PPP2R3A: variants seen among roughly 807,000 people sequenced by gnomAD.
PPP2R3A encodes protein phosphatase 2 regulatory subunit B''alpha.
Under a neutral mutation model 106.9 loss-of-function variants are expected in PPP2R3A, and 80 were observed. The ratio of observed to expected loss-of-function variants is 0.75; its 90% CI spans 0.62 to 0.90. PPP2R3A has a LOEUF of 0.90. PPP2R3A is among the 40% of genes least tolerant of loss of function. The pLI is 0.00. For synonymous variants in PPP2R3A, 483 were observed against 468.3 expected (o/e 1.03, Z -0.41); for missense variants, 1,386 against 1,350.4 (o/e 1.03, Z -0.41).
intron 1 of PPP2R3A, among the ~76,000 whole-genome samples, chr3:135,972,134 C>G (rs151162757): frequency 9.9e-5 from 15 of 152,184 alleles, no homozygotes; most frequent in Non-Finnish European, 2.2e-4. Flanking sequence ...CGCCATTCCC[C>G]TTTACCCCTA....
rs1437123912 is a variant in PPP2R3A at position 136,145,226 on chromosome 3, G to C, written c.*60G>C. 6.5e-7 allele frequency: 1 copy of C among 1,549,072 alleles called. No individual in the cohort carries two copies. The highest frequency in any genetic ancestry group is 8.7e-7 in the Non-Finnish European group (1 of 1,149,252). ...TTTAAATGTTTCTTTCTTGTGAAGA[G>C]ATGTTCTCGTTTGCATACTGCTTTT... On this transcript the variant is annotated 3_prime_UTR_variant, in exon 14 of 14. Transcript: ENST00000264977.
chr3:136,055,291 T>A, intron 5 of PPP2R3A: 1 of 881,378 alleles, frequency 1.1e-6, no homozygotes, highest in Non-Finnish European at 1.9e-6. Context: ...CTGAGTCTGT[T>A]GTGTTGGTGA....
At chr3:136,046,341 C>T (rs2107856543) in intron 4 of PPP2R3A, among the ~76,000 whole-genome samples, 1 of 152,138 alleles carries the variant, frequency 6.6e-6, no homozygotes, top group Middle Eastern at 3.4e-3. Flanking sequence ...ATAATCCCAG[C>T]TACTCCGGAG....
intron 5 of PPP2R3A, among the ~76,000 whole-genome samples, chr3:136,050,944 T>C (rs529697199): frequency 2.0e-5 from 3 of 152,316 alleles, no homozygotes; most frequent in African/African-American, 7.2e-5. Flanking sequence ...CACAGTCATT[T>C]GGCCTAGTTG....
At chr3:135,976,822 T>C (rs1450377669) in intron 1 of PPP2R3A, among the ~76,000 whole-genome samples, 2 of 152,188 alleles carry the variant, frequency 1.3e-5, no homozygotes, top group African/African-American at 4.8e-5. Context: ...AAAATTTAGA[T>C]ATTTAAGTTC....
chr3:136,027,898 A>C (rs1934725804), intron 3 of PPP2R3A, among the ~76,000 whole-genome samples: 1 of 152,178 alleles, frequency 6.6e-6, no homozygotes, highest in Non-Finnish European at 1.5e-5. Context: ...AAGTGAGAAT[A>C]CCTAAGAGCC....
chr3:136,016,454 C>T (rs1444071580), intron 2 of PPP2R3A, among the ~76,000 whole-genome samples: 3 of 152,100 alleles, frequency 2.0e-5, no homozygotes, highest in Non-Finnish European at 4.4e-5. Context: ...CTATCTGTCT[C>T]CTTTCTTAGG....
chr3:136,130,968 A>C (rs1938389393), intron 13 of PPP2R3A, among the ~76,000 whole-genome samples: 1 of 152,254 alleles, frequency 6.6e-6, no homozygotes, highest in African/African-American at 2.4e-5. Context: ...CAGAAAGCTG[A>C]AACTGGATCC....
intron 1 of PPP2R3A, among the ~76,000 whole-genome samples, chr3:135,998,870 A>C (rs1426839361): frequency 6.6e-6 from 1 of 152,268 alleles, no homozygotes; most frequent in Non-Finnish European, 1.5e-5. Flanking sequence ...TGTAAAAAAT[A>C]CATACATTTA....
At chr3:136,034,958 T>G (rs951555202) in intron 3 of PPP2R3A, among the ~76,000 whole-genome samples, 3 of 152,228 alleles carry the variant, frequency 2.0e-5, no homozygotes, top group Non-Finnish European at 4.4e-5. Flanking sequence ...GGAAAAGGCC[T>G]TTTATCATTA....
intron 5 of PPP2R3A, among the ~76,000 whole-genome samples, chr3:136,063,985 C>T (rs1277775292): frequency 2.0e-5 from 3 of 151,058 alleles, no homozygotes; most frequent in African/African-American, 7.4e-5. Context: ...TATTGCGGCA[C>T]TATTCACAAT....
intron 4 of PPP2R3A, among the ~76,000 whole-genome samples, chr3:136,042,909 A>G (rs1935334980): frequency 6.6e-6 from 1 of 152,146 alleles, no homozygotes; most frequent in Admixed American, 6.5e-5. Flanking sequence ...GAGACTAAGC[A>G]GCTAAACATG....
chr3:136,021,227 A>G (rs1351289882), intron 2 of PPP2R3A, among the ~76,000 whole-genome samples: 1 of 152,070 alleles, frequency 6.6e-6, no homozygotes, highest in Non-Finnish European at 1.5e-5. Flanking sequence ...GAGTGTAAGG[A>G]AAAAATATGG....
intron 7 of PPP2R3A, chr3:136,079,264 C>G (rs1198127677): frequency 4.7e-6 from 2 of 424,832 alleles, no homozygotes; most frequent in Admixed American, 5.1e-5. Context: ...ACACCTGATG[C>G]CTGCCTGGGC....
intron 2 of PPP2R3A, among the ~76,000 whole-genome samples, chr3:136,014,527 G>A (rs975870455): frequency 1.1e-4 from 17 of 151,976 alleles, no homozygotes; most frequent in African/African-American, 3.9e-4. Flanking sequence ...CCTTGCAGAG[G>A]TCTTTCACCT....
intron 2 of PPP2R3A, among the ~76,000 whole-genome samples, chr3:136,005,834 T>C (rs1303321322): frequency 6.6e-6 from 1 of 152,228 alleles, no homozygotes; most frequent in Admixed American, 6.5e-5. Context: ...TGTCTGCCCA[T>C]TGAAGAAACA....
chr3:135,997,487 C>G (rs899732694), intron 1 of PPP2R3A, among the ~76,000 whole-genome samples: 4 of 152,214 alleles, frequency 2.6e-5, no homozygotes, highest in African/African-American at 4.8e-5. Flanking sequence ...GCTCCCCTCA[C>G]TTTATGCACT....
chr3:136,010,417 ATTTTTTTT>A (rs56962010), intron 2 of PPP2R3A, among the ~76,000 whole-genome samples: 2 of 51,004 alleles, frequency 3.9e-5, no homozygotes, highest in South Asian at 7.0e-4. Context: ...CGCTCGGCTA[ATTTTTTTT>A]TTTTTTTTTT....
At chr3:136,074,849 T>C (rs1023091092) in intron 6 of PPP2R3A, among the ~76,000 whole-genome samples, 5 of 152,192 alleles carry the variant, frequency 3.3e-5, no homozygotes, top group Admixed American at 2.0e-4. Flanking sequence ...CTTGAAAACT[T>C]TTCCTCTTAA....
Sources: allele counts gnomAD v4.1 joint callset (sites outside exome capture counted in the v4.1 genomes callset), GRCh38; gene constraint gnomAD v4.1.1; transcripts MANE v1.5; gene names NCBI Gene and HGNC (gene_info 2026-07-23, HGNC 2026-07-21).